ASTN2: variants seen among roughly 807,000 people sequenced by gnomAD.
The protein encoded by ASTN2 is astrotactin-2.
In ASTN2, 54 loss-of-function variants were observed where a neutral mutation model predicts 139.8. That is an observed-to-expected ratio of 0.39 (90% CI 0.31 to 0.48). The LOEUF (loss-of-function observed/expected upper bound fraction) is 0.48, where lower values mean the gene tolerates loss of function less well. Among genes scored for constraint, ASTN2 ranks in the 20% least tolerant of loss-of-function variants. The pLI is 0.95. For missense variants in ASTN2, 1,565 were observed against 1,725.1 expected, an observed-to-expected ratio of 0.91 and a Z score of 1.64; for synonymous variants, 756 against 719.5, an observed-to-expected ratio of 1.05 and a Z score of -0.81.
intron 17 of ASTN2, among the ~76,000 whole-genome samples, chr9:116,645,348 T>C (rs141393586): frequency 6.6e-6 from 1 of 152,316 alleles, no homozygotes; most frequent in African/African-American, 2.4e-5. Context: ...AAATTATTCT[T>C]CATAAAGAGT....
At chr9:116,632,205 A>AC (rs1554723308) in intron 17 of ASTN2, among the ~76,000 whole-genome samples, 1 of 45,302 alleles carries the variant, frequency 2.2e-5, no homozygotes, top group East Asian at 6.4e-4. Flanking sequence ...AGAAAGAAAG[A>AC]AAAGAAAGAA....
chr9:116,917,296 G>A (rs1834475479), intron 10 of ASTN2, among the ~76,000 whole-genome samples: 1 of 152,096 alleles, frequency 6.6e-6, no homozygotes, highest in African/African-American at 2.4e-5. Flanking sequence ...CAGTTTGCAA[G>A]TATTAATAAT....
intron 19 of ASTN2, among the ~76,000 whole-genome samples, chr9:116,557,223 C>CAAAAAAAAAAA (rs60756690): frequency 7.3e-4 from 39 of 53,592 alleles, no homozygotes; most frequent in African/African-American, 2.5e-3. Flanking sequence ...GACTCTGTCT[C>CAAAAAAAAAAA]AAAAAAAAAA....
intron 3 of ASTN2, among the ~76,000 whole-genome samples, chr9:117,186,221 T>G (rs1338415401): frequency 6.6e-6 from 1 of 152,244 alleles, no homozygotes; most frequent in Non-Finnish European, 1.5e-5. Context: ...TTGGCCCATA[T>G]AGAGTAACTA....
intron 19 of ASTN2, among the ~76,000 whole-genome samples, chr9:116,512,761 C>T (rs1850455051): frequency 6.6e-6 from 1 of 152,102 alleles, no homozygotes; most frequent in Non-Finnish European, 1.5e-5. Context: ...ATGTAATGGC[C>T]TTCTTTGTCT....
rs139511151 is a variant in ASTN2, at chr9:117,130,827, A to G, written c.1168+10499T>C. Among the ~76,000 whole-genome samples, 1,050 of 152,326 alleles carry G rather than the reference A, an allele frequency of 6.9e-3. 11 individuals carry two copies. The highest frequency in any genetic ancestry group is 0.023 in the African/African-American group (976 of 41,576). ...AAATATTGAAGCCCAATATATAAACATAGAATAAAAGCTTGATTAAAAAGC... is the reference window on the plus strand; with the variant it reads ...AAATATTGAAGCCCAATATATAAACGTAGAATAAAAGCTTGATTAAAAAGC... On this transcript the variant is annotated intron_variant, in intron 4 of 22. Transcript: ENST00000313400.
At chr9:116,565,424 TA>T (rs1564120610) in intron 19 of ASTN2, among the ~76,000 whole-genome samples, 260 of 116,834 alleles carry the variant, frequency 2.2e-3, no homozygotes, top group East Asian at 4.0e-3. Context: ...TATATATATA[TA>T]TATATTTATT....
chr9:116,437,243 T>C (rs187528794), intron 22 of ASTN2: 8 of 466,230 alleles, frequency 1.7e-5, no homozygotes, highest in Admixed American at 7.2e-5. Flanking sequence ...CTTATCATGT[T>C]ATAGGTGAGG....
At chr9:117,124,176 T>C (rs551419910) in intron 4 of ASTN2, among the ~76,000 whole-genome samples, 1 of 152,158 alleles carries the variant, frequency 6.6e-6, no homozygotes, top group Non-Finnish European at 1.5e-5. Context: ...TGGGCAGAGA[T>C]CTGAACTGGG....
intron 3 of ASTN2, among the ~76,000 whole-genome samples, chr9:117,152,643 A>G (rs1830350333): frequency 6.6e-6 from 1 of 152,184 alleles, no homozygotes; most frequent in Non-Finnish European, 1.5e-5. Flanking sequence ...TGTTGCTGAC[A>G]GATTTATATT....
At chr9:116,873,731 G>T (rs1833224011) in intron 10 of ASTN2, among the ~76,000 whole-genome samples, 1 of 152,198 alleles carries the variant, frequency 6.6e-6, no homozygotes, top group South Asian at 2.1e-4. Flanking sequence ...GATCATGGCA[G>T]AGTGGGGAGG....
intron 3 of ASTN2, among the ~76,000 whole-genome samples, chr9:117,205,736 C>A (rs113859073): frequency 2.0e-5 from 3 of 152,274 alleles, no homozygotes; most frequent in African/African-American, 7.2e-5. Flanking sequence ...TCTTTAGGCT[C>A]TCAAAAGTAG....
chr9:116,933,726 A>G (rs182936499), intron 10 of ASTN2, among the ~76,000 whole-genome samples: 12 of 152,252 alleles, frequency 7.9e-5, no homozygotes, highest in African/African-American at 2.9e-4. Flanking sequence ...AGAACATACC[A>G]ATTATGCTGG....
At chr9:116,482,943 C>A (rs1343049627) in intron 20 of ASTN2, among the ~76,000 whole-genome samples, 1 of 152,214 alleles carries the variant, frequency 6.6e-6, no homozygotes, top group Admixed American at 6.5e-5. Flanking sequence ...TGCTGAGGAC[C>A]CTTTGGCAGC....
intron 5 of ASTN2, among the ~76,000 whole-genome samples, chr9:117,084,580 A>G (rs1023367644): frequency 6.6e-6 from 1 of 152,260 alleles, no homozygotes; most frequent in Non-Finnish European, 1.5e-5. Context: ...CAAGGACAAC[A>G]ATTGATTGCT....
At chr9:117,095,926 T>G (rs1828829302) in intron 5 of ASTN2, 118 bp downstream of exon 5, 4 of 900,904 alleles carry the variant, frequency 4.4e-6, no homozygotes, top group Non-Finnish European at 7.0e-6. Context: ...AAGCTCAGTT[T>G]TAACCAGATG....
chr9:117,016,656 A>ATATATAGGTT (rs59564628), intron 6 of ASTN2, among the ~76,000 whole-genome samples: 29 of 26,806 alleles, frequency 1.1e-3, no homozygotes, highest in Non-Finnish European at 1.4e-3. Flanking sequence ...ATATATATAT[A>ATATATAGGTT]ACCTATATAT....
At chr9:116,880,055 T>C (rs756956928) in intron 10 of ASTN2, among the ~76,000 whole-genome samples, 7 of 152,168 alleles carry the variant, frequency 4.6e-5, no homozygotes, top group Non-Finnish European at 7.3e-5. Flanking sequence ...GCAGATATAA[T>C]AATAACCATA....
intron 7 of ASTN2, among the ~76,000 whole-genome samples, chr9:116,977,984 C>T (rs571585953): frequency 1.2e-4 from 18 of 152,066 alleles, no homozygotes; most frequent in East Asian, 5.8e-4. Context: ...CCCAAAGTGC[C>T]GGGATTACAC....
Sources: allele counts gnomAD v4.1 joint callset (sites outside exome capture counted in the v4.1 genomes callset), GRCh38; gene constraint gnomAD v4.1.1; transcripts MANE v1.5; gene names NCBI Gene and HGNC (gene_info 2026-07-23, HGNC 2026-07-21).